The following TEAD4 variants were observed in gnomAD, a reference collection of about 807,000 sequenced individuals.
The protein encoded by TEAD4 is transcriptional enhancer factor TEF-3.
In TEAD4, 36 loss-of-function variants were observed where a neutral mutation model predicts 52.4. The observed-to-expected ratio is 0.69, with a 90% CI of 0.53 to 0.91. TEAD4 has a LOEUF of 0.91. Among genes scored for constraint, TEAD4 ranks in the 40% least tolerant of loss-of-function variants. TEAD4 has a pLI of 0.00. For missense variants in TEAD4, 508 were observed against 583.9 expected (o/e 0.87, Z 1.34); for synonymous variants, 220 against 231.0 (o/e 0.95, Z 0.43).
rs149191988 is a variant in TEAD4 at position 2,994,835 on chromosome 12, C to T, written c.69C>T (p.Thr23=). 2.7e-5 allele frequency: 43 copies of T among 1,613,898 alleles called. No homozygotes were observed. In the East Asian group the frequency reaches 3.3e-4, roughly 13 times the overall value. Residue 23 remains threonine (T), a synonymous_variant, in exon 3 of 13, where the codon ACC becomes ACT. Transcript: ENST00000359864. This position sits in a 1 kb window ranked among gnomAD's most constrained non-coding sequence, Gnocchi z 4.7. ...CTCCCACCTCCCCTGAGGGGAGCAC[C>T]GCCTCTGGGGGCAGTCAGGCACTGG...
At chr12:2,993,800 C>T (rs1014313630) in intron 2 of TEAD4, among the ~76,000 whole-genome samples, 3 of 152,124 alleles carry the variant, frequency 2.0e-5, no homozygotes, top group Admixed American at 6.6e-5. Context: ...TTAGATACCT[C>T]GTCAGCGGAA....
At chr12:3,026,068 T>A (rs1016581772) in intron 10 of TEAD4, among the ~76,000 whole-genome samples, 1 of 152,222 alleles carries the variant, frequency 6.6e-6, no homozygotes, top group African/African-American at 2.4e-5. Context: ...CACTTTTAAC[T>A]GTGAGATGAG....
chr12:2,960,710 C>T (rs2098214570), intron 2 of TEAD4, among the ~76,000 whole-genome samples: 1 of 152,116 alleles, frequency 6.6e-6, no homozygotes, highest in African/African-American at 2.4e-5. Context: ...TATATGTCTG[C>T]GTGAGAAGGG....
intron 10 of TEAD4, among the ~76,000 whole-genome samples, chr12:3,031,703 T>C (rs967106674): frequency 3.3e-5 from 5 of 151,904 alleles, no homozygotes; most frequent in Non-Finnish European, 5.9e-5. Flanking sequence ...ACACGTCTCA[T>C]CCTCACCACA....
At chr12:2,971,680 T>C (rs1445387821) in intron 2 of TEAD4, among the ~76,000 whole-genome samples, 1 of 151,804 alleles carries the variant, frequency 6.6e-6, no homozygotes, top group Non-Finnish European at 1.5e-5. Flanking sequence ...TTTCACCATG[T>C]TAGCCAGGAT....
chr12:3,006,327 A>AC (rs2098255928), intron 3 of TEAD4, among the ~76,000 whole-genome samples: 1 of 152,174 alleles, frequency 6.6e-6, no homozygotes, highest in Non-Finnish European at 1.5e-5. Context: ...TTTGAAAAAA[A>AC]CCCCAAATCT....
chr12:2,968,718 A>G (rs947393718), intron 2 of TEAD4, among the ~76,000 whole-genome samples: 5 of 151,792 alleles, frequency 3.3e-5, no homozygotes, highest in African/African-American at 1.2e-4. Context: ...GTGTGATCAT[A>G]GCTCACTGTA....
chr12:3,005,734 C>T (rs747153032), intron 3 of TEAD4, among the ~76,000 whole-genome samples: 2 of 152,166 alleles, frequency 1.3e-5, no homozygotes, highest in Non-Finnish European at 2.9e-5. Flanking sequence ...CTCCTGACCT[C>T]GTGATCCGCC....
intron 10 of TEAD4, 26 bp from the exon 11 acceptor site, chr12:3,037,942 C>G: frequency 6.2e-7 from 1 of 1,602,284 alleles, no homozygotes; most frequent in Non-Finnish European, 8.5e-7. Flanking sequence ...CTGACACTCC[C>G]TCGCCTTCCC....
At chr12:3,019,423 G>A (rs1228431005) in intron 8 of TEAD4, among the ~76,000 whole-genome samples, 1 of 152,230 alleles carries the variant, frequency 6.6e-6, no homozygotes, top group Non-Finnish European at 1.5e-5. Context: ...CTCAGGGCTT[G>A]TGGGGCACGT....
At chr12:2,986,324 G>C (rs2153954488) in intron 2 of TEAD4, among the ~76,000 whole-genome samples, 2 of 151,612 alleles carry the variant, frequency 1.3e-5, no homozygotes, top group East Asian at 3.9e-4. Flanking sequence ...TTTTTTACAA[G>C]TAGAAGGAGT....
At chr12:2,988,284 G>A (rs1489612049) in intron 2 of TEAD4, among the ~76,000 whole-genome samples, 4 of 150,840 alleles carry the variant, frequency 2.7e-5, no homozygotes, top group African/African-American at 4.9e-5. Context: ...AGGCTGAGGC[G>A]GGTGGATCAC....
At chr12:2,977,933 T>G (rs2098231091) in intron 2 of TEAD4, among the ~76,000 whole-genome samples, 1 of 152,224 alleles carries the variant, frequency 6.6e-6, no homozygotes, top group African/African-American at 2.4e-5. Context: ...TGGGATCTGT[T>G]TGTTTCTAAC....
At chr12:2,990,408 C>CTT (rs149715232) in intron 2 of TEAD4, among the ~76,000 whole-genome samples, 3 of 105,012 alleles carry the variant, frequency 2.9e-5, no homozygotes, top group African/African-American at 6.3e-5. Context: ...GTTACAAATT[C>CTT]TTTTTTTTAA....
chr12:3,008,645 G>A lies in TEAD4; in HGVS notation c.227-2359G>A, dbSNP rs1231539696. On this transcript the variant is annotated intron_variant, in intron 3 of 12. Transcript: ENST00000359864. ...GAGGGTGCGGTGGTGCACAGTGGCTGTATGAATTCTGGATATGTTTTGGAG... is the reference window on the plus strand; with the variant it reads ...GAGGGTGCGGTGGTGCACAGTGGCTATATGAATTCTGGATATGTTTTGGAG... 4.6e-5 allele frequency among the ~76,000 whole-genome samples: 7 copies of A among 152,170 alleles called. No homozygotes were observed. In the East Asian group the frequency reaches 1.3e-3, roughly 29 times the overall value.
rs1415302307 is a variant in TEAD4, at chr12:3,021,863, T to C, written c.743T>C (p.Val248Ala). 6.2e-7 allele frequency: 1 copy of C among 1,614,218 alleles called. No homozygotes were observed. Among genetic ancestry groups the C allele is most frequent in the East Asian group, 2.2e-5 (1 of 44,880 alleles). ...CCACAGTACAACAAGCACCTGTTCG[T>C]GCACATTGGCCAGTCCAGCCCAAGC... The change falls in exon 10 of 13, where the codon GTG (valine) becomes GCG (alanine). Residue 248 changes from valine to alanine, a missense_variant. By Grantham distance (64) the Val-to-Ala change is moderately conservative (BLOSUM62 0). Transcript: ENST00000359864.
chr12:2,982,572 G>A lies in TEAD4; in HGVS notation c.-29-12166G>A, dbSNP rs1433649340. Reference sequence around the variant, plus strand: ...CCCATTCCATGAGCCGCAGGGCAGGGCGGTGCGTGGGAGGTTTGCCTGGTG... The same window carrying A: ...CCCATTCCATGAGCCGCAGGGCAGGACGGTGCGTGGGAGGTTTGCCTGGTG... On this transcript the variant is annotated intron_variant, in intron 2 of 12. Coordinates refer to ENST00000359864, the MANE Select transcript of TEAD4 (RefSeq NM_003213.4). 2.0e-5 allele frequency among the ~76,000 whole-genome samples: 3 copies of A among 152,224 alleles called. No individual in the cohort carries two copies. In the East Asian group the frequency reaches 5.8e-4, roughly 29 times the overall value.
intron 3 of TEAD4, among the ~76,000 whole-genome samples, chr12:2,996,465 A>G (rs181529456): frequency 2.0e-5 from 3 of 149,480 alleles, no homozygotes; most frequent in South Asian, 4.2e-4. Context: ...CTAGAGTGCA[A>G]TGGGCGCAAT....
Position 3,019,190 on chromosome 12 carries a change from C to T in TEAD4, c.583+20C>T. 1 of 1,613,128 alleles carries T rather than the reference C, an allele frequency of 6.2e-7. No individual in the cohort carries two copies. The highest frequency in any genetic ancestry group is 8.5e-7 in the Non-Finnish European group (1 of 1,179,842). On this transcript the variant is annotated intron_variant, in intron 8 of 12. Coordinates refer to ENST00000359864, the MANE Select transcript of TEAD4 (RefSeq NM_003213.4). ...TGCCAGGTGGGTGGGCGCTGCGTGGCCCCCTTTCTATCGCAGCCATGTGGC... is the reference window on the plus strand; with the variant it reads ...TGCCAGGTGGGTGGGCGCTGCGTGGTCCCCTTTCTATCGCAGCCATGTGGC...
Sources: allele counts gnomAD v4.1 joint callset (sites outside exome capture counted in the v4.1 genomes callset), GRCh38; gene constraint gnomAD v4.1.1; non-coding constraint Gnocchi (gnomAD v3.1); transcripts MANE v1.5; gene names NCBI Gene and HGNC (gene_info 2026-07-23, HGNC 2026-07-21).